The following LRTM2 variants were observed in gnomAD, a reference collection of about 807,000 sequenced individuals.
LRTM2 encodes leucine-rich repeat and transmembrane domain-containing protein 2.
In LRTM2, 18 loss-of-function variants were observed where a neutral mutation model predicts 28.1. That is an observed-to-expected ratio of 0.64 (90% CI 0.44 to 0.95). LRTM2 has a LOEUF of 0.95. Among genes scored for constraint, LRTM2 ranks in the 40% least tolerant of loss-of-function variants. LRTM2 has a pLI of 0.00. For synonymous variants in LRTM2, 250 were observed against 218.7 expected, an observed-to-expected ratio of 1.14 and a Z score of -1.26; for missense variants, 436 against 497.2, an observed-to-expected ratio of 0.88 and a Z score of 1.17.
chr12:1,827,852 G>A lies in LRTM2; in HGVS notation c.-73-224G>A, dbSNP rs199682655. The A allele has an allele frequency of 1.9e-4, 70 of 364,354 alleles. 1 individual carries two copies. In the East Asian group the frequency reaches 2.5e-3, roughly 13 times the overall value. The allele number at this position is 364,354 out of a possible 1,614,324, so 22.6% of individuals were successfully genotyped here. A position where few individuals can be genotyped will look rare whatever the true frequency, so the allele number is the denominator to read the frequency against. Reference sequence around the variant, plus strand: ...GGTGCACCCCCAGCTTTGCGGCACTGTGCCCGACCCTCGGGCTCCTGGAAA... The same window carrying A: ...GGTGCACCCCCAGCTTTGCGGCACTATGCCCGACCCTCGGGCTCCTGGAAA... On this transcript the variant is annotated intron_variant, in intron 2 of 4. Transcript: ENST00000299194.
chr12:1,831,326 C>G lies in LRTM2; in HGVS notation c.459C>G (p.Ala153=). 7.4e-6 allele frequency: 12 copies of G among 1,613,866 alleles called. No individual in the cohort carries two copies. Among genetic ancestry groups the G allele is most frequent in the Non-Finnish European group, 9.3e-6 (11 of 1,180,034 alleles). The change falls in exon 4 of 5, where the codon GCC becomes GCG. Residue 153 remains alanine, a synonymous_variant. Transcript: ENST00000299194. ...RHLDLSINGL[A]QLPPGLFDGL... The stretch of plus-strand genomic sequence containing the variant: ...TGGACCTGTCCATCAACGGCCTGGC[C>G]CAGTTGCCCCCTGGTCTTTTCGACG...
intron 1 of LRTM2, among the ~76,000 whole-genome samples, chr12:1,821,025 C>CA (rs1329275606): frequency 6.6e-6 from 1 of 152,230 alleles, no homozygotes; most frequent in East Asian, 1.9e-4. Flanking sequence ...TCTGAGCCCA[C>CA]AGTGCTGGGG....
In LRTM2 at chr12:1,833,852, G is replaced by GA. The variant is rs555784926; in HGVS notation, c.659-414dup. On this transcript the variant is annotated intron_variant, in intron 4 of 4. Transcript: ENST00000299194. The surrounding 1 kb of genome is among the most constrained non-coding windows in gnomAD (Gnocchi z 4.2). ...CTCACAGACAGGTGATGAGCAGGCA[G>GA]ATTCGGGGGCAGAGAGTGTGGCAGG... Among the ~76,000 whole-genome samples the GA allele has an allele frequency of 9.8e-5, 15 of 152,310 alleles. No homozygotes were observed. The South Asian group carries it at 3.1e-3, about 32-fold the overall frequency.
chr12:1,832,189 T>C (rs75973512), intron 4 of LRTM2, among the ~76,000 whole-genome samples: 19,247 of 152,208 alleles, frequency 0.13, 1,533 homozygotes, highest in Non-Finnish European at 0.17. Context: ...GTGCGCAAGA[T>C]GGTGGTGAGG....
intron 1 of LRTM2, among the ~76,000 whole-genome samples, chr12:1,821,456 T>C (rs1864097002): frequency 6.6e-6 from 1 of 151,862 alleles, no homozygotes; most frequent in African/African-American, 2.4e-5. Flanking sequence ...AGGCTGGGAG[T>C]GGGCAGGAGA....
chr12:1,831,496 A>G lies in LRTM2; in HGVS notation c.629A>G (p.Lys210Arg). The change falls in exon 4 of 5, where the codon AAA becomes AGA. Residue 210 changes from lysine to arginine, a missense_variant. Transcript: ENST00000299194. The stretch of plus-strand genomic sequence containing the variant: ...TGTGACTGTAACCTGCGTGAGTTCA[A>G]ACACTGGATGGAGTGGTTCTCCTAC... Reference protein sequence around the residue: ...WECDCNLREFKHWMEWFSYRG... With the variant: ...WECDCNLREFRHWMEWFSYRG... 6.2e-7 allele frequency: 1 copy of G among 1,613,638 alleles called. No individual in the cohort carries two copies. The highest frequency in any genetic ancestry group is 8.5e-7 in the Non-Finnish European group (1 of 1,179,948).
At chr12:1,821,820 G>A (rs991381058) in intron 1 of LRTM2, among the ~76,000 whole-genome samples, 2 of 152,122 alleles carry the variant, frequency 1.3e-5, no homozygotes, top group African/African-American at 2.4e-5. Context: ...TCCAGTTGGC[G>A]GCCCTGTCTC....
At chr12:1,831,604 G>A (rs1293369015) in intron 4 of LRTM2, 79 bp downstream of exon 4, 1 of 1,259,948 alleles carries the variant, frequency 7.9e-7, no homozygotes, top group Non-Finnish European at 1.1e-6. Flanking sequence ...CTGGTGGCTG[G>A]GTGCTGACTC....
At chr12:1,832,766 A>G (rs7961753) in intron 4 of LRTM2, among the ~76,000 whole-genome samples, 17,791 of 152,304 alleles carry the variant, frequency 0.12, 1,439 homozygotes, top group Non-Finnish European at 0.17. Flanking sequence ...CATGTACATG[A>G]TTTTAAACCT....
chr12:1,821,096 G>A (rs1368722381), intron 1 of LRTM2, among the ~76,000 whole-genome samples: 1 of 152,198 alleles, frequency 6.6e-6, no homozygotes, highest in Non-Finnish European at 1.5e-5. Context: ...CCAGATGACA[G>A]TCCCGGGTGG....
intron 1 of LRTM2, among the ~76,000 whole-genome samples, chr12:1,822,913 C>T (rs1446465676): frequency 1.3e-5 from 2 of 152,206 alleles, no homozygotes; most frequent in Non-Finnish European, 2.9e-5. Flanking sequence ...ACTCTCCGGG[C>T]TCCCTCTCAG....
At chr12:1,830,310 C>G (rs953367672) in intron 3 of LRTM2, among the ~76,000 whole-genome samples, 16 of 152,248 alleles carry the variant, frequency 1.1e-4, no homozygotes, top group Non-Finnish European at 1.6e-4. Flanking sequence ...CTGGCGTCAT[C>G]ATGGGTGTGG....
chr12:1,827,317 C>T (rs1211760817), intron 1 of LRTM2, 93 bp from the exon 2 acceptor site: 1 of 152,696 alleles, frequency 6.5e-6, no homozygotes, highest in African/African-American at 2.4e-5. Context: ...CCCCTTGTCC[C>T]CCGCGAAGGA....
In LRTM2 at chr12:1,835,519, G is replaced by A. The variant is rs1864821434; in HGVS notation, c.*798G>A. The A allele has an allele frequency of 6.6e-6, 1 of 152,564 alleles. No individual in the cohort carries two copies. The highest frequency in any genetic ancestry group is 2.4e-5 in the African/African-American group (1 of 41,448). The allele number at this position is 152,564 out of a possible 1,614,324, so 9.5% of individuals were successfully genotyped here. ...CATGCTCTTCCCCAGGGGTCTCCCT[G>A]AGACCACAGAGCCTCTCGCGTGCTC... On this transcript the variant is annotated 3_prime_UTR_variant, in exon 5 of 5. Coordinates refer to ENST00000299194, the MANE Select transcript of LRTM2 (RefSeq NM_001039029.3).
chr12:1,826,480 G>A (rs959688465), intron 1 of LRTM2, among the ~76,000 whole-genome samples: 1 of 127,638 alleles, frequency 7.8e-6, no homozygotes, highest in Non-Finnish European at 1.6e-5. Flanking sequence ...AACCATGACA[G>A]CACCACGCTC....
chr12:1,834,618 C>G lies in LRTM2; in HGVS notation c.1010C>G (p.Ser337Cys), dbSNP rs1864773974. Residue 337 changes from serine to cysteine, a missense_variant, in exon 5 of 5, where the codon TCC (serine) becomes TGC (cysteine). Coordinates refer to ENST00000299194, the MANE Select transcript of LRTM2 (RefSeq NM_001039029.3). This position sits in a 1 kb window ranked among gnomAD's most constrained non-coding sequence, Gnocchi z 7.6. ...VAAAYGCIYA[S>C]LMAKYHRELK... ...GCTGCCTATGGCTGCATCTACGCCT[C>G]CCTCATGGCCAAGTACCACCGGGAG... 1 of 1,599,930 alleles carries G rather than the reference C, an allele frequency of 6.3e-7. No individual in the cohort carries two copies. Among genetic ancestry groups the G allele is most frequent in the Non-Finnish European group, 8.5e-7 (1 of 1,179,922 alleles).
intron 3 of LRTM2, among the ~76,000 whole-genome samples, chr12:1,830,009 G>C (rs956524335): frequency 6.6e-6 from 1 of 152,210 alleles, no homozygotes; most frequent in Non-Finnish European, 1.5e-5. Context: ...ACTTCTCCCA[G>C]CCCTACAGAC....
At chr12:1,821,199 G>A (rs574299729) in intron 1 of LRTM2, among the ~76,000 whole-genome samples, 70 of 152,330 alleles carry the variant, frequency 4.6e-4, no homozygotes, top group African/African-American at 1.6e-3. Flanking sequence ...CAAGAAACTC[G>A]GGGGTCATGG....
chr12:1,834,753 G>T lies in LRTM2; in HGVS notation c.*32G>T. ...ATCCCCACCCGGCCAGGTAGGAAGG[G>T]CGGGGAGAGCACACGGCATTGCTCA... is the stretch of plus-strand genomic sequence containing the variant. On this transcript the variant is annotated 3_prime_UTR_variant, in exon 5 of 5. Coordinates refer to ENST00000299194, the MANE Select transcript of LRTM2 (RefSeq NM_001039029.3). This position sits in a 1 kb window ranked among gnomAD's most constrained non-coding sequence, Gnocchi z 7.6. 6.4e-7 allele frequency: 1 copy of T among 1,554,652 alleles called. No individual in the cohort carries two copies. The highest frequency in any genetic ancestry group is 8.7e-7 in the Non-Finnish European group (1 of 1,153,146).
Sources: gnomAD v4.1 joint callset for allele counts (sites outside exome capture counted in the v4.1 genomes callset) on GRCh38, gnomAD v4.1.1 for gene constraint, Gnocchi (gnomAD v3.1) non-coding constraint, MANE v1.5 for transcripts, NCBI Gene and HGNC (gene_info 2026-07-23, HGNC 2026-07-21) for gene names.